ZMYM2: variants seen among roughly 807,000 people sequenced by gnomAD.
The protein encoded by ZMYM2 is zinc finger MYM-type containing 2, also known as zinc finger MYM-type protein 2.
In ZMYM2, 56 loss-of-function variants were observed where a neutral mutation model predicts 162.8. The ratio of observed to expected loss-of-function variants is 0.34; its 90% CI spans 0.28 to 0.43. The LOEUF (loss-of-function observed/expected upper bound fraction) is 0.43, where lower values mean the gene tolerates loss of function less well. ZMYM2 is among the 20% of genes least tolerant of loss of function. The pLI, the probability that ZMYM2 is intolerant of heterozygous loss-of-function variation, is 1.00. For missense variants in ZMYM2, 1,275 were observed against 1,621.8 expected (o/e 0.79, Z 3.67); for synonymous variants, 510 against 541.6 (o/e 0.94, Z 0.81).
At chr13:20,045,716 T>C (rs1237141189) in intron 12 of ZMYM2, among the ~76,000 whole-genome samples, 3 of 152,236 alleles carry the variant, frequency 2.0e-5, no homozygotes, top group Non-Finnish European at 2.9e-5. Flanking sequence ...TTTTTATATC[T>C]ATTTTCATTG....
chr13:20,026,186 T>A (rs1200182423), intron 7 of ZMYM2: 1 of 152,876 alleles, frequency 6.5e-6, no homozygotes, highest in Non-Finnish European at 1.5e-5. Context: ...GAAAAGGATT[T>A]AAAATCTTCA....
chr13:19,878,521 T>TCCC, the ZMYM2 span, among the ~76,000 whole-genome samples: 2 of 40,356 alleles, frequency 5.0e-5, no homozygotes, highest in African/African-American at 9.1e-5. Context: ...TTTGCCCTTT[T>TCCC]TTTTTTTTTT....
the ZMYM2 span, among the ~76,000 whole-genome samples, chr13:19,883,552 A>T: frequency 6.6e-6 from 1 of 152,176 alleles, no homozygotes; most frequent in South Asian, 2.1e-4. Context: ...CCCAGTAGTG[A>T]ATTTTGGGCA....
chr13:19,989,029 C>T (rs933878117), intron 2 of ZMYM2, among the ~76,000 whole-genome samples: 6 of 152,150 alleles, frequency 3.9e-5, no homozygotes, highest in African/African-American at 1.4e-4. Context: ...TGACCACTCA[C>T]CCTCCCCTGC....
chr13:20,008,547 G>A (rs1950925275), intron 6 of ZMYM2, among the ~76,000 whole-genome samples: 1 of 152,236 alleles, frequency 6.6e-6, no homozygotes, highest in South Asian at 2.1e-4. Flanking sequence ...GCCTCAGAAT[G>A]TATCTCTCAA....
intron 2 of ZMYM2, among the ~76,000 whole-genome samples, chr13:19,981,711 A>G (rs568547988): frequency 2.0e-5 from 3 of 152,114 alleles, no homozygotes; most frequent in Middle Eastern, 3.2e-3. Context: ...CTCTCTGAAT[A>G]TATTATTTTC....
chr13:20,085,991 G>T lies in ZMYM2; in HGVS notation c.4111G>T (p.Glu1371Ter). 6.2e-7 allele frequency: 1 copy of T among 1,613,444 alleles called. No individual in the cohort carries two copies. Among genetic ancestry groups the T allele is most frequent in the East Asian group, 2.2e-5 (1 of 44,852 alleles). ...AGATATTTATGATAAAGACAATTATGAACTGGATGAAGACACAGACTAAAA... is the reference window on the plus strand; with the variant it reads ...AGATATTTATGATAAAGACAATTATTAACTGGATGAAGACACAGACTAAAA... ...VKDIYDKDNY[E>*]LDEDTD Residue 1371 changes from glutamate (E) to a stop codon, truncating the protein, a stop_gained, in exon 25 of 25, where the codon GAA becomes TAA. Transcript: ENST00000610343. LOFTEE classifies it high-confidence loss of function.
At chr13:20,002,734 C>A in intron 3 of ZMYM2, 116 bp from the exon 4 acceptor site, 2 of 1,313,268 alleles carry the variant, frequency 1.5e-6, no homozygotes, top group Non-Finnish European at 2.1e-6. Context: ...TGTTGCTGTT[C>A]CATTAACATC....
intron 6 of ZMYM2, 43 bp from the exon 7 acceptor site, chr13:20,019,504 T>G (rs759456211): frequency 2.0e-6 from 3 of 1,481,192 alleles, no homozygotes; most frequent in Non-Finnish European, 9.1e-7. Flanking sequence ...GTAGCAGCTA[T>G]TCTTTATGTG....
chr13:20,060,283 T>G (rs1956131140), intron 16 of ZMYM2, among the ~76,000 whole-genome samples: 1 of 152,230 alleles, frequency 6.6e-6, no homozygotes, highest in East Asian at 1.9e-4. Flanking sequence ...GATTGATTGC[T>G]TTGTGTATAG....
chr13:20,012,008 C>A (rs183656902), intron 6 of ZMYM2, among the ~76,000 whole-genome samples: 14 of 152,198 alleles, frequency 9.2e-5, no homozygotes, highest in Admixed American at 2.0e-4. Context: ...CCTCGACCTC[C>A]CAAAGTGCTA....
At chr13:20,060,919 T>C in intron 16 of ZMYM2, 134 bp from the exon 17 acceptor site, 1 of 816,580 alleles carries the variant, frequency 1.2e-6, no homozygotes. Context: ...ACATCTTAGT[T>C]TTGTATGTGT....
chr13:19,961,116 T>G (rs1250523723), intron 2 of ZMYM2, among the ~76,000 whole-genome samples: 1 of 136,752 alleles, frequency 7.3e-6, no homozygotes, highest in Non-Finnish European at 1.6e-5. Flanking sequence ...AATTCTAAGG[T>G]TTTTTTTTTT....
chr13:20,014,062 T>G (rs1055093660), intron 6 of ZMYM2, among the ~76,000 whole-genome samples: 2 of 152,078 alleles, frequency 1.3e-5, no homozygotes, highest in African/African-American at 2.4e-5. Context: ...CTTCTCTTTT[T>G]TGGGACTTTT....
At chr13:19,954,960 A>G (rs1328047532), upstream of ZMYM2, among the ~76,000 whole-genome samples, 3 of 151,754 alleles carry the variant, frequency 2.0e-5, no homozygotes, top group Admixed American at 6.6e-5. Flanking sequence ...ACAAGCATGC[A>G]CCACGCTGCC....
intron 2 of ZMYM2, among the ~76,000 whole-genome samples, chr13:19,960,642 C>T (rs993410044): frequency 6.6e-6 from 1 of 152,194 alleles, no homozygotes; most frequent in Non-Finnish European, 1.5e-5. Flanking sequence ...CGTTCCCCAT[C>T]TTCCATGTTG....
chr13:19,947,039 A>T, the ZMYM2 span, among the ~76,000 whole-genome samples: 3 of 150,546 alleles, frequency 2.0e-5, no homozygotes, highest in South Asian at 2.1e-4. Flanking sequence ...TTTTATTTTT[A>T]TTTATTTATT....
At chr13:19,884,717 A>G in the ZMYM2 span, among the ~76,000 whole-genome samples, 8 of 152,272 alleles carry the variant, frequency 5.3e-5, no homozygotes, top group Admixed American at 2.0e-4. Context: ...TTCCTGGTCC[A>G]GAAAAAAAGA....
chr13:20,052,189 A>T, intron 13 of ZMYM2, 88 bp from the exon 14 acceptor site: 1 of 1,127,648 alleles, frequency 8.9e-7, no homozygotes, highest in Non-Finnish European at 1.2e-6. Flanking sequence ...TCACATTTTA[A>T]ATTGGTGAAA....
Sources: allele counts gnomAD v4.1 joint callset (sites outside exome capture counted in the v4.1 genomes callset), GRCh38; gene constraint gnomAD v4.1.1; transcripts MANE v1.5; gene names NCBI Gene and HGNC (gene_info 2026-07-23, HGNC 2026-07-21).